FAM13A: variants seen among roughly 807,000 people sequenced by gnomAD.
FAM13A encodes the protein protein FAM13A.
A neutral mutation model predicts 129.6 loss-of-function variants in FAM13A; 76 were observed. That is an observed-to-expected ratio of 0.59 (90% CI 0.49 to 0.71). The LOEUF is 0.71. Ranked by LOEUF, FAM13A falls within the 30% of genes least tolerant of loss-of-function variation. FAM13A has a pLI of 0.00. For missense variants in FAM13A, 1,108 were observed against 1,249.3 expected (o/e 0.89, Z 1.70); for synonymous variants, 443 against 449.9 (o/e 0.98, Z 0.20).
At chr4:88,824,705 ATTATTTAT>A (rs56370073) in intron 7 of FAM13A, among the ~76,000 whole-genome samples, 6 of 150,906 alleles carry the variant, frequency 4.0e-5, no homozygotes, top group African/African-American at 1.2e-4. Flanking sequence ...TTAACACTTT[ATTATTTAT>A]TTATTTATTT....
At chr4:88,992,094 C>A (rs747198960) in intron 3 of FAM13A, among the ~76,000 whole-genome samples, 1 of 152,166 alleles carries the variant, frequency 6.6e-6, no homozygotes, top group Non-Finnish European at 1.5e-5. Context: ...CCTATCCCAA[C>A]TCTGGTATAT....
intron 11 of FAM13A, among the ~76,000 whole-genome samples, chr4:88,779,407 T>TCGTTGTG (rs1722408907): frequency 6.6e-6 from 1 of 152,194 alleles, no homozygotes. Flanking sequence ...ATATTAGTCG[T>TCGTTGTG]CGTTGTGTTC....
intron 5 of FAM13A, among the ~76,000 whole-genome samples, chr4:88,934,289 G>A (rs1338625303): frequency 6.6e-6 from 1 of 152,004 alleles, no homozygotes; most frequent in Non-Finnish European, 1.5e-5. Context: ...ATTGGCTGTT[G>A]TTTAGTGTAT....
chr4:88,881,843 G>A (rs1178104821), intron 6 of FAM13A, among the ~76,000 whole-genome samples: 3 of 152,022 alleles, frequency 2.0e-5, no homozygotes, highest in East Asian at 1.9e-4. Flanking sequence ...ATACTGGAAC[G>A]TGTCAGCGAT....
chr4:88,883,864 T>C (rs888297644), intron 6 of FAM13A, among the ~76,000 whole-genome samples: 4 of 151,936 alleles, frequency 2.6e-5, no homozygotes, highest in African/African-American at 7.3e-5. Context: ...CAAAAGATCA[T>C]TGAAGGCTAC....
chr4:88,932,918 T>C (rs891956336), intron 5 of FAM13A, among the ~76,000 whole-genome samples: 9 of 152,178 alleles, frequency 5.9e-5, no homozygotes, highest in African/African-American at 1.7e-4. Flanking sequence ...AATTATTTTA[T>C]AGCCAGATTT....
chr4:88,734,397 C>T (rs1738528968), intron 21 of FAM13A, among the ~76,000 whole-genome samples: 1 of 152,124 alleles, frequency 6.6e-6, no homozygotes, highest in African/African-American at 2.4e-5. Context: ...ACAGATAATA[C>T]AAAGCGGGTA....
intron 4 of FAM13A, among the ~76,000 whole-genome samples, chr4:88,972,613 T>G (rs1297655722): frequency 6.6e-6 from 1 of 151,850 alleles, no homozygotes; most frequent in Non-Finnish European, 1.5e-5. Context: ...TCCTTCACTT[T>G]TTTTTGGGGG....
intron 4 of FAM13A, among the ~76,000 whole-genome samples, chr4:88,954,089 A>G (rs1757362422): frequency 6.6e-6 from 1 of 152,214 alleles, no homozygotes; most frequent in Admixed American, 6.5e-5. Context: ...GACTCCATGA[A>G]TTCAGTTGGT....
chr4:88,861,812 C>T (rs1739539107), intron 6 of FAM13A, among the ~76,000 whole-genome samples: 1 of 152,168 alleles, frequency 6.6e-6, no homozygotes, highest in Admixed American at 6.5e-5. Flanking sequence ...ATCTATCTAT[C>T]TATTCTCATT....
chr4:88,970,286 T>C (rs1759889820), intron 4 of FAM13A, among the ~76,000 whole-genome samples: 1 of 152,144 alleles, frequency 6.6e-6, no homozygotes, highest in African/African-American at 2.4e-5. Context: ...ATAATTACGG[T>C]TGCCCATCTT....
intron 20 of FAM13A, among the ~76,000 whole-genome samples, chr4:88,738,209 G>C (rs1739410856): frequency 6.6e-6 from 1 of 152,184 alleles, no homozygotes; most frequent in African/African-American, 2.4e-5. Context: ...AGGAGCAGCA[G>C]CTAAAATGAG....
At chr4:88,777,260 A>C (rs569223110) in intron 11 of FAM13A, among the ~76,000 whole-genome samples, 4 of 152,312 alleles carry the variant, frequency 2.6e-5, no homozygotes, top group African/African-American at 9.6e-5. Flanking sequence ...TTTTCACCTT[A>C]GAGGTTAGTT....
At chr4:88,811,138 G>A (rs1729588431) in intron 7 of FAM13A, among the ~76,000 whole-genome samples, 1 of 152,200 alleles carries the variant, frequency 6.6e-6, no homozygotes, top group Non-Finnish European at 1.5e-5. Flanking sequence ...GACCAAAGAA[G>A]TACAGATTTT....
chr4:88,792,980 T>G (rs1425338127), intron 8 of FAM13A, among the ~76,000 whole-genome samples: 1 of 152,052 alleles, frequency 6.6e-6, no homozygotes, highest in Non-Finnish European at 1.5e-5. Context: ...TCATTCTTAA[T>G]GTGCATAGGA....
intron 3 of FAM13A, among the ~76,000 whole-genome samples, chr4:88,993,650 A>G (rs1763184754): frequency 6.6e-6 from 1 of 152,224 alleles, no homozygotes; most frequent in South Asian, 2.1e-4. Context: ...ACAGCCAAAC[A>G]ATGGGAAGGG....
intron 5 of FAM13A, among the ~76,000 whole-genome samples, chr4:88,918,892 A>G (rs1750549586): frequency 6.6e-6 from 1 of 152,232 alleles, no homozygotes; most frequent in South Asian, 2.1e-4. Flanking sequence ...CCATAAAAAT[A>G]TTCCAAATTA....
chr4:88,854,811 A>G (rs928464291), intron 6 of FAM13A, among the ~76,000 whole-genome samples: 5 of 152,258 alleles, frequency 3.3e-5, no homozygotes, highest in Admixed American at 3.3e-4. Context: ...AGTATTTAAC[A>G]TGCCATGGGA....
chr4:88,730,582 G>A (rs1737491189), intron 23 of FAM13A, among the ~76,000 whole-genome samples: 1 of 152,002 alleles, frequency 6.6e-6, no homozygotes, highest in Non-Finnish European at 1.5e-5. Context: ...AGTAGAGATG[G>A]GGTTTCACCA....
Sources: allele counts gnomAD v4.1 joint callset (sites outside exome capture counted in the v4.1 genomes callset), GRCh38; gene constraint gnomAD v4.1.1; transcripts MANE v1.5; gene names NCBI Gene and HGNC (gene_info 2026-07-23, HGNC 2026-07-21).